The following TM9SF2 variants were observed in gnomAD, a reference collection of about 807,000 sequenced individuals.
TM9SF2 encodes the protein transmembrane 9 superfamily member 2, also known as 76 kDa membrane protein.
A neutral mutation model predicts 84.9 loss-of-function variants in TM9SF2; 13 were observed. The observed-to-expected ratio is 0.15, with a 90% CI of 0.10 to 0.24. The LOEUF (loss-of-function observed/expected upper bound fraction) is 0.24. TM9SF2 is among the 10% of genes least tolerant of loss of function. TM9SF2 has a pLI of 1.00. For missense variants in TM9SF2, 562 were observed against 818.5 expected, an observed-to-expected ratio of 0.69 and a Z score of 3.82; for synonymous variants, 273 against 285.8, an observed-to-expected ratio of 0.96 and a Z score of 0.45.
At chr13:99,502,583 A>G (rs955717137) in intron 1 of TM9SF2, among the ~76,000 whole-genome samples, 1 of 152,222 alleles carries the variant, frequency 6.6e-6, no homozygotes, top group African/African-American at 2.4e-5. Context: ...TACAACATTC[A>G]CACTCAAGGT....
rs1398259354 is a variant in TM9SF2 at position 99,563,321 on chromosome 13, C to T, written c.*563C>T. 6.6e-6 allele frequency: 1 copy of T among 152,090 alleles called. No homozygotes were observed. Among genetic ancestry groups the T allele is most frequent in the African/African-American group, 2.4e-5 (1 of 41,404 alleles). The allele number at this position is 152,090 out of a possible 1,614,324, so 9.4% of individuals were successfully genotyped here. A position where few individuals can be genotyped will look rare whatever the true frequency, so the allele number is the denominator to read the frequency against. Reference sequence around the variant, plus strand: ...ACTTCATTATTCCCATGGTATTGGCCTTTTAAACTATGTGCCTCTGAGTCT... The same window carrying T: ...ACTTCATTATTCCCATGGTATTGGCTTTTTAAACTATGTGCCTCTGAGTCT... On this transcript the variant is annotated 3_prime_UTR_variant, in exon 17 of 17. Coordinates refer to ENST00000376387, the MANE Select transcript of TM9SF2 (RefSeq NM_004800.3).
At position 99,518,740 on chromosome 13, in the gene TM9SF2, G is replaced by T. The variant is rs144057737; in HGVS notation, c.239+1059G>T. 5.1e-3 allele frequency among the ~76,000 whole-genome samples: 773 copies of T among 151,670 alleles called. 12 individuals carry two copies. Among genetic ancestry groups the T allele is most frequent in the African/African-American group, 0.018 (731 of 41,380 alleles). ...GCCTCCTGAATAGCTGGGACTACAG[G>T]CGTGTGCAACCATGCCCAGCTAATT... is the stretch of plus-strand genomic sequence containing the variant. On this transcript the variant is annotated intron_variant, in intron 2 of 16. Coordinates refer to ENST00000376387, the MANE Select transcript of TM9SF2 (RefSeq NM_004800.3).
At chr13:99,517,499 T>A (rs1180577903) in intron 1 of TM9SF2, 115 bp from the exon 2 acceptor site, 7 of 595,598 alleles carry the variant, frequency 1.2e-5, no homozygotes, top group African/African-American at 1.9e-5. Flanking sequence ...TAAAGTTGAC[T>A]GGAATTATAA....
chr13:99,535,927 C>T (rs1339866575), intron 4 of TM9SF2, among the ~76,000 whole-genome samples: 3 of 152,138 alleles, frequency 2.0e-5, no homozygotes, highest in Non-Finnish European at 4.4e-5. Flanking sequence ...ATTTGGTTCG[C>T]TAGCTTTGCA....
rs192424306 is a variant in TM9SF2 at position 99,502,865 on chromosome 13, A to G, written c.171+1088A>G. On this transcript the variant is annotated intron_variant, in intron 1 of 16. Transcript: ENST00000376387. ...TACAGTTAGCTTTACTATAGCTGTG[A>G]ATTTTGAGGTTATTTTAGGGCATTA... Among the ~76,000 whole-genome samples, 5 of 152,256 alleles carry G rather than the reference A, an allele frequency of 3.3e-5. 1 individual carries two copies. In the East Asian group the frequency reaches 7.7e-4, roughly 23 times the overall value.
chr13:99,548,128 C>G (rs1364861011), intron 11 of TM9SF2, among the ~76,000 whole-genome samples: 5 of 152,148 alleles, frequency 3.3e-5, no homozygotes, highest in Admixed American at 3.3e-4. Context: ...ATGCCACACT[C>G]CCCCTTTCTC....
chr13:99,522,848 G>T (rs753691641), intron 3 of TM9SF2, among the ~76,000 whole-genome samples: 2 of 152,218 alleles, frequency 1.3e-5, no homozygotes, highest in Non-Finnish European at 2.9e-5. Flanking sequence ...TCTGTGCAAG[G>T]ACTGTTCCTT....
chr13:99,552,143 C>G (rs944618641), intron 12 of TM9SF2, 24 bp from the exon 13 acceptor site: 98 of 1,603,140 alleles, frequency 6.1e-5, no homozygotes, highest in Admixed American at 1.0e-4. Flanking sequence ...CTGGTTTTAC[C>G]CAAAAGCCTG....
intron 4 of TM9SF2, among the ~76,000 whole-genome samples, chr13:99,532,658 T>C (rs2046216189): frequency 6.6e-6 from 1 of 152,172 alleles, no homozygotes; most frequent in Non-Finnish European, 1.5e-5. Context: ...TAGAAGCAGT[T>C]CTTCAGTAGC....
At chr13:99,552,624 G>A (rs1428711153) in intron 13 of TM9SF2, among the ~76,000 whole-genome samples, 1 of 143,600 alleles carries the variant, frequency 7.0e-6, no homozygotes, top group African/African-American at 2.5e-5. Flanking sequence ...TTCATTTAGA[G>A]ATGGAGTCTC....
chr13:99,526,351 C>T (rs1227038033), intron 3 of TM9SF2, among the ~76,000 whole-genome samples: 3 of 152,110 alleles, frequency 2.0e-5, no homozygotes, highest in Admixed American at 2.0e-4. Context: ...AAGTGAATAC[C>T]AAAAAAGTGA....
In TM9SF2 at chr13:99,547,111, C is replaced by A; in HGVS notation, c.1270+7C>A. ...GCTGCCAGATTCTATAAGTGTAAGT[C>A]AAAGCCACTGTGACTGGCGTCTGAT... On this transcript the variant is annotated splice_region_variant and intron_variant, in intron 11 of 16. Coordinates refer to ENST00000376387, the MANE Select transcript of TM9SF2 (RefSeq NM_004800.3). The A allele has an allele frequency of 6.2e-7, 1 of 1,613,820 alleles. No individual in the cohort carries two copies. The highest frequency in any genetic ancestry group is 1.1e-5 in the South Asian group (1 of 91,018).
chr13:99,506,239 G>C (rs968341116), intron 1 of TM9SF2, among the ~76,000 whole-genome samples: 1 of 152,104 alleles, frequency 6.6e-6, no homozygotes, highest in African/African-American at 2.4e-5. Flanking sequence ...ATATGTACCT[G>C]TTTTAATTTG....
At chr13:99,547,796 G>A (rs1482071427) in intron 11 of TM9SF2, among the ~76,000 whole-genome samples, 1 of 152,154 alleles carries the variant, frequency 6.6e-6, no homozygotes, top group Non-Finnish European at 1.5e-5. Context: ...GTCTCGTCTG[G>A]GATATACAGT....
chr13:99,562,124 G>A (rs2046347254), intron 16 of TM9SF2, among the ~76,000 whole-genome samples: 1 of 152,154 alleles, frequency 6.6e-6, no homozygotes, highest in South Asian at 2.1e-4. Flanking sequence ...CACAGTTTGT[G>A]ACAGAGCTGC....
chr13:99,557,816 T>G (rs1376201822), intron 15 of TM9SF2, among the ~76,000 whole-genome samples: 1 of 152,192 alleles, frequency 6.6e-6, no homozygotes, highest in Non-Finnish European at 1.5e-5. Context: ...AAGCCATGAT[T>G]ACACCACTGC....
In TM9SF2 at chr13:99,501,640, C is replaced by T. The variant is rs1566560495; in HGVS notation, c.34C>T (p.Arg12Trp). The T allele has an allele frequency of 6.2e-7, 1 of 1,613,112 alleles. No individual in the cohort carries two copies. The highest frequency in any genetic ancestry group is 1.7e-5 in the Admixed American group (1 of 59,966). ...SARLPVLSPPRWPRLLLLSLL... is the reference protein window; with the variant it reads ...SARLPVLSPPWWPRLLLLSLL... ...GAGGCTGCCGGTGTTGTCTCCACCT[C>T]GGTGGCCGCGGCTGTTGCTGCTGTC... Residue 12 changes from arginine (R) to tryptophan (W), a missense_variant, in exon 1 of 17, where the codon CGG becomes TGG. Around this residue, in one of 4 missense-constraint regions of TM9SF2, gnomAD observed 267 missense variants for 316.7 expected, o/e 0.84. Coordinates refer to ENST00000376387, the MANE Select transcript of TM9SF2 (RefSeq NM_004800.3).
chr13:99,543,716 T>C, intron 9 of TM9SF2, 147 bp from the exon 10 acceptor site: 3 of 983,660 alleles, frequency 3.0e-6, no homozygotes, highest in Admixed American at 2.6e-5. Flanking sequence ...AGTCAAGCTG[T>C]ATTCTTCAAA....
At chr13:99,538,681 A>C (rs576433856) in intron 6 of TM9SF2, among the ~76,000 whole-genome samples, 3 of 152,016 alleles carry the variant, frequency 2.0e-5, no homozygotes, top group East Asian at 3.9e-4. Context: ...AGGAAGCTGA[A>C]GTGAGAGGAT....
Sources: gnomAD v4.1 joint callset for allele counts (sites outside exome capture counted in the v4.1 genomes callset) on GRCh38, gnomAD v4.1.1 for gene constraint, gnomAD v4.1.1 regional missense constraint, MANE v1.5 for transcripts, NCBI Gene and HGNC (gene_info 2026-07-23, HGNC 2026-07-21) for gene names.